PDGFC: variants seen among roughly 807,000 people sequenced by gnomAD.
PDGFC encodes platelet derived growth factor C.
PDGFC carries 12 observed loss-of-function variants against 35.5 expected under a neutral mutation model. That is an observed-to-expected ratio of 0.34 (90% CI 0.22 to 0.55). The LOEUF is 0.55. Ranked by LOEUF, PDGFC falls within the 20% of genes least tolerant of loss-of-function variation. PDGFC has a pLI of 0.91. For synonymous variants in PDGFC, 159 were observed against 148.8 expected, an observed-to-expected ratio of 1.07 and a Z score of -0.50; for missense variants, 322 against 412.4, an observed-to-expected ratio of 0.78 and a Z score of 1.90.
chr4:156,900,562 C>T (rs984316865), intron 1 of PDGFC, among the ~76,000 whole-genome samples: 2 of 151,918 alleles, frequency 1.3e-5, no homozygotes, highest in East Asian at 1.9e-4. Flanking sequence ...GGATAGGAAG[C>T]GGGTGGGGTG....
chr4:156,966,014 G>A (rs1013234908), intron 1 of PDGFC, among the ~76,000 whole-genome samples: 1 of 152,060 alleles, frequency 6.6e-6, no homozygotes, highest in Non-Finnish European at 1.5e-5. Context: ...TTGTCTTAGA[G>A]GAGTTGCACT....
At chr4:156,889,842 C>T (rs909481724) in intron 1 of PDGFC, among the ~76,000 whole-genome samples, 1 of 152,060 alleles carries the variant, frequency 6.6e-6, no homozygotes, top group African/African-American at 2.4e-5. Context: ...TAAATGGTAA[C>T]CCTGCAAGTC....
At chr4:156,907,180 G>A (rs1363527476) in intron 1 of PDGFC, among the ~76,000 whole-genome samples, 1 of 152,112 alleles carries the variant, frequency 6.6e-6, no homozygotes, top group East Asian at 1.9e-4. Context: ...GACTTTTAAA[G>A]AGATGTTTAA....
intron 1 of PDGFC, among the ~76,000 whole-genome samples, chr4:156,918,426 G>A (rs1257907512): frequency 2.0e-5 from 3 of 152,184 alleles, no homozygotes; most frequent in African/African-American, 7.2e-5. Context: ...AAAGGTTATA[G>A]CCATAGACGA....
At chr4:156,816,379 A>G (rs1364357660) in intron 2 of PDGFC, among the ~76,000 whole-genome samples, 1 of 152,212 alleles carries the variant, frequency 6.6e-6, no homozygotes, top group African/African-American at 2.4e-5. Context: ...GCTTTAGTTT[A>G]GCAGAATGCA....
intron 1 of PDGFC, among the ~76,000 whole-genome samples, chr4:156,919,670 T>C (rs1731228708): frequency 6.6e-6 from 1 of 152,178 alleles, no homozygotes; most frequent in Non-Finnish European, 1.5e-5. Context: ...AGAAGCTGCC[T>C]GCCCCTGAAG....
At chr4:156,780,812 A>T (rs28599790) in intron 3 of PDGFC, among the ~76,000 whole-genome samples, 18,193 of 150,236 alleles carry the variant, frequency 0.12, 1,507 homozygotes, top group African/African-American at 0.22. Flanking sequence ...GTCAGCAATG[A>T]CCCCCCCACA....
At chr4:156,947,213 T>C (rs867026819) in intron 1 of PDGFC, among the ~76,000 whole-genome samples, 1 of 151,990 alleles carries the variant, frequency 6.6e-6, no homozygotes, top group Non-Finnish European at 1.5e-5. Context: ...CCATCTCTTA[T>C]TCAGGATCTG....
At chr4:156,845,986 A>C (rs2111069361) in intron 2 of PDGFC, among the ~76,000 whole-genome samples, 1 of 151,932 alleles carries the variant, frequency 6.6e-6, no homozygotes, top group Admixed American at 6.6e-5. Context: ...ATTAGTAATA[A>C]AACAAAAGAC....
chr4:156,770,621 T>G (rs1730670225), intron 4 of PDGFC: 1 of 152,108 alleles, frequency 6.6e-6, no homozygotes, highest in African/African-American at 2.4e-5. Context: ...TCTTCAGATT[T>G]TTTTCCTTTT....
chr4:156,903,437 C>A (rs1335712149), intron 1 of PDGFC, among the ~76,000 whole-genome samples: 1 of 151,982 alleles, frequency 6.6e-6, no homozygotes, highest in Non-Finnish European at 1.5e-5. Context: ...TGTTCCAAGA[C>A]TGTAAAATTA....
chr4:156,947,890 A>C (rs1379375235), intron 1 of PDGFC, among the ~76,000 whole-genome samples: 1 of 152,026 alleles, frequency 6.6e-6, no homozygotes, highest in Non-Finnish European at 1.5e-5. Context: ...GACTTCAATA[A>C]GAGACAGGTT....
At chr4:156,836,238 G>C (rs1729060060) in intron 2 of PDGFC, among the ~76,000 whole-genome samples, 1 of 152,082 alleles carries the variant, frequency 6.6e-6, no homozygotes. Context: ...CTTAAGCCAG[G>C]GGGTGGGTGA....
At chr4:156,830,664 T>C (rs1457034149) in intron 2 of PDGFC, among the ~76,000 whole-genome samples, 1 of 152,234 alleles carries the variant, frequency 6.6e-6, no homozygotes, top group Non-Finnish European at 1.5e-5. Flanking sequence ...TTATGACTAA[T>C]GGGTTCCAAG....
rs12108339 is a variant in PDGFC, at chr4:156,797,028, G to A, written c.495+13809C>T. Among the ~76,000 whole-genome samples the A allele has an allele frequency of 2.9e-3, 438 of 152,094 alleles. 3 individuals carry two copies. Among genetic ancestry groups the A allele is most frequent in the African/African-American group, 0.01 (422 of 41,490 alleles). ...CGAGCAGAGCGGATCATGAGGTGAGGAGATTGAGACCATCTTGGCTAACAC... is the reference window on the plus strand; with the variant it reads ...CGAGCAGAGCGGATCATGAGGTGAGAAGATTGAGACCATCTTGGCTAACAC... On this transcript the variant is annotated intron_variant, in intron 3 of 5. Transcript: ENST00000502773.
chr4:156,910,865 C>G (rs745964268), intron 1 of PDGFC, among the ~76,000 whole-genome samples: 1 of 152,030 alleles, frequency 6.6e-6, no homozygotes, highest in Non-Finnish European at 1.5e-5. Flanking sequence ...CTGTTCATGT[C>G]TTTTATCCAT....
intron 1 of PDGFC, among the ~76,000 whole-genome samples, chr4:156,926,049 C>CAAAAAAAAAAAAAA (rs397707839): frequency 5.9e-5 from 4 of 67,544 alleles, no homozygotes; most frequent in Non-Finnish European, 7.5e-5. Flanking sequence ...AGATCTGTCT[C>CAAAAAAAAAAAAAA]AAAAAAAAAA....
At chr4:156,825,607 A>AGAAGAAGAAGAAGAAGAG (rs1732441103) in intron 2 of PDGFC, among the ~76,000 whole-genome samples, 3 of 124,308 alleles carry the variant, frequency 2.4e-5, no homozygotes, top group African/African-American at 9.2e-5. Flanking sequence ...AAGAAGAAGA[A>AGAAGAAGAAGAAGAAGAG]GAAGAAGAAG....
At chr4:156,787,848 T>C (rs1158230421) in intron 3 of PDGFC, among the ~76,000 whole-genome samples, 1 of 152,130 alleles carries the variant, frequency 6.6e-6, no homozygotes, top group African/African-American at 2.4e-5. Context: ...TTCTGATTGC[T>C]TGTAATCTCC....
Sources: gnomAD v4.1 joint callset for allele counts (sites outside exome capture counted in the v4.1 genomes callset) on GRCh38, gnomAD v4.1.1 for gene constraint, MANE v1.5 for transcripts, NCBI Gene and HGNC (gene_info 2026-07-23, HGNC 2026-07-21) for gene names.